Variants in COX6B1 observed in about 807,000 individuals in gnomAD.
COX6B1 encodes COX VIb-1.
Under a neutral mutation model 14.0 loss-of-function variants are expected in COX6B1, and 2 were observed. The observed-to-expected ratio is 0.14, with a 90% CI of 0.06 to 0.45. The LOEUF (loss-of-function observed/expected upper bound fraction) is 0.45, where lower values mean the gene tolerates loss of function less well. COX6B1 is among the 20% of genes least tolerant of loss of function. The probability of loss-of-function intolerance (pLI) is 0.98; values close to 1 mark genes in which losing one functional copy is unlikely to be tolerated. For missense variants in COX6B1, 81 were observed against 114.2 expected (o/e 0.71, Z 1.33); for synonymous variants, 30 against 39.7 (o/e 0.76, Z 0.92).
intron 1 of COX6B1, chr19:35,648,625 A>G: frequency 2.9e-6 from 1 of 349,272 alleles, no homozygotes; most frequent in Non-Finnish European, 5.7e-6. Flanking sequence ...TAACTCTCCC[A>G]CCAGCCCTAT....
intron 2 of COX6B1, 68 bp from the exon 3 acceptor site, chr19:35,654,503 A>G (rs940397337): frequency 1.9e-5 from 25 of 1,309,268 alleles, no homozygotes; most frequent in Admixed American, 1.0e-4. Flanking sequence ...TTGAGACCCT[A>G]CCTCAAAAAA....
At chr19:35,654,372 G>T (rs1307527630) in intron 2 of COX6B1, among the ~76,000 whole-genome samples, 199 bp from the exon 3 acceptor site, 2 of 152,152 alleles carry the variant, frequency 1.3e-5, no homozygotes, top group Non-Finnish European at 2.9e-5. Context: ...GGGCATGGTG[G>T]CAGGTGCCTG....
At chr19:35,648,777 C>T in intron 1 of COX6B1, 1 of 519,408 alleles carries the variant, frequency 1.9e-6, no homozygotes. Context: ...ACAGGCGTGG[C>T]CTCTCGCGGC....
At chr19:35,651,685 C>T (rs1967826311) in intron 2 of COX6B1, among the ~76,000 whole-genome samples, 1 of 152,026 alleles carries the variant, frequency 6.6e-6, no homozygotes, top group South Asian at 2.1e-4. Flanking sequence ...GGTCCCCCTA[C>T]CTCAGCCTCT....
At chr19:35,653,964 A>G (rs1366608983) in intron 2 of COX6B1, among the ~76,000 whole-genome samples, 1 of 151,596 alleles carries the variant, frequency 6.6e-6, no homozygotes, top group Non-Finnish European at 1.5e-5. Flanking sequence ...TTAGCTTCCC[A>G]AAGTGCTGGG....
intron 3 of COX6B1, among the ~76,000 whole-genome samples, chr19:35,655,787 CTT>C (rs35127035): frequency 4.8e-5 from 7 of 146,752 alleles, no homozygotes; most frequent in African/African-American, 7.7e-5. Flanking sequence ...CTCTCTCTCT[CTT>C]TGTCGCCCTC....
intron 3 of COX6B1, 36 bp from the exon 4 acceptor site, chr19:35,658,558 C>T: frequency 6.3e-7 from 1 of 1,592,096 alleles, no homozygotes; most frequent in South Asian, 1.1e-5. Context: ...CGTTCAGTTT[C>T]CCCACTGCGG....
intron 3 of COX6B1, among the ~76,000 whole-genome samples, chr19:35,655,627 A>AAG (rs1967879960): frequency 6.6e-6 from 1 of 151,782 alleles, no homozygotes; most frequent in African/African-American, 2.4e-5. Flanking sequence ...TGTTTAAAAA[A>AAG]AAAAAAAAGT....
At chr19:35,649,479 ATTT>A (rs59460933) in intron 1 of COX6B1, among the ~76,000 whole-genome samples, 6 of 135,118 alleles carry the variant, frequency 4.4e-5, no homozygotes, top group Non-Finnish European at 6.4e-5. Context: ...GCTAATTTTA[ATTT>A]TTTTTTTTTT....
Position 35,654,688 on chromosome 19 carries a change from A to C in COX6B1, c.207+17A>C, listed in dbSNP as rs1344273894. The stretch of plus-strand genomic sequence containing the variant: ...ACATCCTGGGTATGTGCCTCCTGCC[A>C]GGGCCCTTGGGATGCTGGGGTGGGG... On this transcript the variant is annotated intron_variant, in intron 3 of 3. Transcript: ENST00000649813. The C allele has an allele frequency of 1.2e-6, 2 of 1,611,456 alleles. No homozygotes were observed. Among genetic ancestry groups the C allele is most frequent in the African/African-American group, 2.7e-5 (2 of 74,806 alleles).
chr19:35,655,775 C>T (rs1967882060), intron 3 of COX6B1, among the ~76,000 whole-genome samples: 1 of 151,452 alleles, frequency 6.6e-6, no homozygotes. Flanking sequence ...CTCTCTCTCT[C>T]TCTCTCTCTC....
chr19:35,658,726 C>T lies in COX6B1; in HGVS notation c.*79C>T, dbSNP rs1967914273. 2 of 1,297,100 alleles carry T rather than the reference C, an allele frequency of 1.5e-6. No homozygotes were observed. Among genetic ancestry groups the T allele is most frequent in the African/African-American group, 2.9e-5 (2 of 68,476 alleles). The allele number at this position is 1,297,100 out of a possible 1,614,324, so 80.3% of individuals were successfully genotyped here. A position where few individuals can be genotyped will look rare whatever the true frequency, so the allele number is the denominator to read the frequency against. On this transcript the variant is annotated 3_prime_UTR_variant, in exon 4 of 4. Transcript: ENST00000649813. ...GGGGGACCTGGTACCCAGTGATCCC[C>T]ACCCCAGGATCCTAAATCATGACTT... is the stretch of plus-strand genomic sequence containing the variant.
At chr19:35,656,108 G>T (rs979922284) in intron 3 of COX6B1, among the ~76,000 whole-genome samples, 1 of 152,144 alleles carries the variant, frequency 6.6e-6, no homozygotes, top group African/African-American at 2.4e-5. Context: ...GGGATTATAG[G>T]CATGAGCTAC....
chr19:35,658,685 C>T lies in COX6B1; in HGVS notation c.*38C>T. ...TCCCTTTCCTCTGTCCTCCATCCTT[C>T]TCCCAGGATGGTGAAGGGGGACCTG... On this transcript the variant is annotated 3_prime_UTR_variant, in exon 4 of 4. Transcript: ENST00000649813. 6.3e-7 allele frequency: 1 copy of T among 1,588,162 alleles called. No individual in the cohort carries two copies. Among genetic ancestry groups the T allele is most frequent in the Non-Finnish European group, 8.6e-7 (1 of 1,156,416 alleles).
Position 35,651,361 on chromosome 19 carries a change from C to T in COX6B1, c.106+12C>T, listed in dbSNP as rs1020720896. ...GCAGAACTACCTGGGTAAGCAGGAC[C>T]TTTCCCTGGCCACATACCTCGAGTC... On this transcript the variant is annotated intron_variant, in intron 2 of 3. Coordinates refer to ENST00000649813, the MANE Select transcript of COX6B1 (RefSeq NM_001863.5). The T allele has an allele frequency of 1.9e-6, 3 of 1,601,928 alleles. No individual in the cohort carries two copies. In the African/African-American group the frequency reaches 4.0e-5, roughly 21 times the overall value.
At chr19:35,655,363 C>G (rs572103725) in intron 3 of COX6B1, among the ~76,000 whole-genome samples, 4 of 152,248 alleles carry the variant, frequency 2.6e-5, no homozygotes, top group African/African-American at 7.2e-5. Flanking sequence ...GATAATAATT[C>G]ATTGACCTCA....
intron 1 of COX6B1, 27 bp downstream of exon 1, chr19:35,648,430 G>A (rs186676858): frequency 5.4e-4 from 108 of 200,908 alleles, no homozygotes; most frequent in African/African-American, 2.1e-3. Flanking sequence ...CTGTAACCTG[G>A]GACCCCAGTC....
In COX6B1 at chr19:35,650,106, C is replaced by T. The variant is rs569790121; in HGVS notation, c.-11-1127C>T. 9.2e-5 allele frequency among the ~76,000 whole-genome samples: 14 copies of T among 151,794 alleles called. No individual in the cohort carries two copies. The South Asian group carries it at 2.3e-3, about 25-fold the overall frequency. On this transcript the variant is annotated intron_variant, in intron 1 of 3. Transcript: ENST00000649813. ...ACAACCTCCGCCTCCTGGGTTTAAG[C>T]GATTCTTTTGCCTCAACATCCAGAG...
chr19:35,649,419 A>G (rs1967799443), intron 1 of COX6B1, among the ~76,000 whole-genome samples: 2 of 151,734 alleles, frequency 1.3e-5, no homozygotes, highest in South Asian at 4.2e-4. Flanking sequence ...TCCCTGTGCA[A>G]GCGATCCTGC....
Sources: allele counts gnomAD v4.1 joint callset (sites outside exome capture counted in the v4.1 genomes callset), GRCh38; gene constraint gnomAD v4.1.1; transcripts MANE v1.5; gene names NCBI Gene and HGNC (gene_info 2026-07-23, HGNC 2026-07-21).